USH2A: variants seen among roughly 807,000 people sequenced by gnomAD.
USH2A encodes the protein usherin.
USH2A carries 443 observed loss-of-function variants against 538.9 expected under a neutral mutation model. The ratio of observed to expected loss-of-function variants is 0.82; its 90% CI spans 0.76 to 0.89. The LOEUF (loss-of-function observed/expected upper bound fraction) is 0.89. Ranked by LOEUF, USH2A falls within the 40% of genes least tolerant of loss-of-function variation. The probability of loss-of-function intolerance (pLI) is 0.00; values close to 1 mark genes in which losing one functional copy is unlikely to be tolerated. For missense variants in USH2A, 6,633 were observed against 6,324.8 expected (o/e 1.05, Z -1.65); for synonymous variants, 2,413 against 2,273.5 (o/e 1.06, Z -1.75).
Position 215,998,865 on chromosome 1 carries a change from A to T in USH2A, c.6657+22T>A, listed in dbSNP as rs751202436. On this transcript the variant is annotated intron_variant, in intron 34 of 71. Coordinates refer to ENST00000307340, the MANE Select transcript of USH2A (RefSeq NM_206933.4). ...AGAAGTGGAAGGAATGGGGACAGAG[A>T]AAGTGATGGAAATAAACTTACTCCC... The T allele has an allele frequency of 6.2e-6, 10 of 1,610,238 alleles. No individual in the cohort carries two copies. The South Asian group carries it at 1.1e-4, about 18-fold the overall frequency.
At chr1:216,402,042 A>G (rs940613515) in intron 3 of USH2A, among the ~76,000 whole-genome samples, 14 of 152,288 alleles carry the variant, frequency 9.2e-5, no homozygotes, top group African/African-American at 3.4e-4. Context: ...AAAAGATAAC[A>G]GAAGATTTAT....
chr1:215,891,916 T>C (rs905521476), intron 40 of USH2A, among the ~76,000 whole-genome samples: 1 of 152,148 alleles, frequency 6.6e-6, no homozygotes, highest in Non-Finnish European at 1.5e-5. Flanking sequence ...AACAGGAGCA[T>C]CCTTTCTGTC....
intron 64 of USH2A, among the ~76,000 whole-genome samples, chr1:215,662,032 T>A (rs776062175): frequency 6.6e-6 from 1 of 152,260 alleles, no homozygotes; most frequent in Non-Finnish European, 1.5e-5. Flanking sequence ...GCATGGATTT[T>A]AGCCTCCTGC....
intron 61 of USH2A, among the ~76,000 whole-genome samples, chr1:215,719,384 G>T (rs1053046797): frequency 2.8e-5 from 3 of 107,922 alleles, no homozygotes; most frequent in Non-Finnish European, 5.9e-5. Flanking sequence ...AAAAAAAAAA[G>T]CATGTTCTTG....
chr1:215,648,831 T>C, intron 65 of USH2A, 65 bp from the exon 66 acceptor site: 1 of 1,477,118 alleles, frequency 6.8e-7, no homozygotes, highest in Non-Finnish European at 9.5e-7. Context: ...ATGAATGTTA[T>C]CCAAGATCCC....
intron 13 of USH2A, among the ~76,000 whole-genome samples, chr1:216,238,891 C>T (rs1171359359): frequency 8.5e-5 from 13 of 152,126 alleles, no homozygotes; most frequent in Admixed American, 7.9e-4. Flanking sequence ...CCCCACTGCT[C>T]ACACACCAGC....
chr1:215,628,405 C>G (rs947572361), intron 71 of USH2A, among the ~76,000 whole-genome samples: 4 of 152,194 alleles, frequency 2.6e-5, no homozygotes, highest in African/African-American at 9.6e-5. Context: ...GCCTCAGCCC[C>G]CCTAGTAGCT....
At chr1:215,955,862 A>G (rs1667052652) in intron 37 of USH2A, among the ~76,000 whole-genome samples, 1 of 152,150 alleles carries the variant, frequency 6.6e-6, no homozygotes, top group Non-Finnish European at 1.5e-5. Flanking sequence ...GGGGCCAAAC[A>G]TATGGTTTGT....
intron 11 of USH2A, among the ~76,000 whole-genome samples, chr1:216,279,576 C>T (rs1036270604): frequency 9.2e-5 from 14 of 152,022 alleles, no homozygotes; most frequent in African/African-American, 2.7e-4. Context: ...AAAATCTGAG[C>T]CCCAACCCCA....
At chr1:215,699,871 C>T (rs1186895258) in intron 61 of USH2A, among the ~76,000 whole-genome samples, 1 of 152,194 alleles carries the variant, frequency 6.6e-6, no homozygotes, top group East Asian at 1.9e-4. Context: ...GAGAGGGCAT[C>T]CTTGTCCTGT....
chr1:216,174,761 G>A, intron 21 of USH2A: 2 of 995,686 alleles, frequency 2.0e-6, no homozygotes, highest in Non-Finnish European at 2.4e-6. Flanking sequence ...AAAGAAGAAG[G>A]AAACAGCAAG....
At chr1:215,905,436 G>A (rs755497686) in intron 38 of USH2A, among the ~76,000 whole-genome samples, 1 of 151,998 alleles carries the variant, frequency 6.6e-6, no homozygotes, top group South Asian at 2.1e-4. Flanking sequence ...TCTGCACAAG[G>A]TTCTTGTTAG....
intron 3 of USH2A, among the ~76,000 whole-genome samples, chr1:216,383,849 T>G: frequency 7.1e-6 from 1 of 140,552 alleles, no homozygotes; most frequent in East Asian, 2.1e-4. Flanking sequence ...TAATTTTTTT[T>G]CTTTCTTTCT....
At chr1:216,031,339 G>A (rs1669117650) in intron 32 of USH2A, among the ~76,000 whole-genome samples, 1 of 151,964 alleles carries the variant, frequency 6.6e-6, no homozygotes, top group Non-Finnish European at 1.5e-5. Flanking sequence ...TGCACCAAGG[G>A]TAAATACTTT....
At chr1:215,667,573 G>T (rs1047353306) in intron 64 of USH2A, among the ~76,000 whole-genome samples, 2 of 151,904 alleles carry the variant, frequency 1.3e-5, no homozygotes, top group African/African-American at 4.8e-5. Context: ...GGTGGCGGGC[G>T]CCTGTAATCC....
At chr1:215,915,944 A>G (rs1428095310) in intron 38 of USH2A, among the ~76,000 whole-genome samples, 1 of 150,564 alleles carries the variant, frequency 6.6e-6, no homozygotes, top group Admixed American at 6.7e-5. Context: ...ACAACAAAAA[A>G]CCAAACACCG....
chr1:215,903,186 T>C (rs915450444), intron 38 of USH2A, among the ~76,000 whole-genome samples: 1 of 151,222 alleles, frequency 6.6e-6, no homozygotes, highest in Non-Finnish European at 1.5e-5. Context: ...CGGCTGAGAG[T>C]TTAAGGAGGA....
intron 19 of USH2A, among the ~76,000 whole-genome samples, chr1:216,191,743 T>C (rs965578706): frequency 5.9e-5 from 9 of 151,952 alleles, no homozygotes; most frequent in Non-Finnish European, 1.3e-4. Context: ...TCCTGGTAGA[T>C]TTCAATGTAA....
chr1:216,032,775 A>G (rs558761426), intron 32 of USH2A, among the ~76,000 whole-genome samples: 1 of 152,236 alleles, frequency 6.6e-6, no homozygotes, highest in African/African-American at 2.4e-5. Flanking sequence ...CTAGAAGCTG[A>G]TAGCAGCTCA....
Sources: allele counts gnomAD v4.1 joint callset (sites outside exome capture counted in the v4.1 genomes callset), GRCh38; gene constraint gnomAD v4.1.1; transcripts MANE v1.5; gene names NCBI Gene and HGNC (gene_info 2026-07-23, HGNC 2026-07-21).